PSTPIP2: variants seen among roughly 807,000 people sequenced by gnomAD.
PSTPIP2 encodes the protein proline-serine-threonine phosphatase-interacting protein 2.
In PSTPIP2, 33 loss-of-function variants were observed where a neutral mutation model predicts 63.3. The observed-to-expected ratio is 0.52, with a 90% CI of 0.40 to 0.70. The LOEUF (loss-of-function observed/expected upper bound fraction) is 0.70, where lower values mean the gene tolerates loss of function less well. Ranked by LOEUF, PSTPIP2 falls within the 30% of genes least tolerant of loss-of-function variation. The pLI is 0.00. For synonymous variants in PSTPIP2, 125 were observed against 132.7 expected (o/e 0.94, Z 0.40); for missense variants, 312 against 400.7 (o/e 0.78, Z 1.89).
intron 6 of PSTPIP2, among the ~76,000 whole-genome samples, chr18:46,004,601 C>T (rs1399124286): frequency 6.6e-6 from 1 of 152,114 alleles, no homozygotes; most frequent in Admixed American, 6.5e-5. Flanking sequence ...GGGTATTGTA[C>T]ACTATATATG....
rs80203956 is a variant in PSTPIP2, at chr18:46,071,075, G to A, written c.33+1081C>T. Among the ~76,000 whole-genome samples, 1,451 of 152,250 alleles carry A rather than the reference G, an allele frequency of 9.5e-3. 28 individuals are homozygous for A. Among genetic ancestry groups the A allele is most frequent in the African/African-American group, 0.034 (1,395 of 41,544 alleles). On this transcript the variant is annotated intron_variant, in intron 1 of 14. Coordinates refer to ENST00000409746, the MANE Select transcript of PSTPIP2 (RefSeq NM_024430.4). ...GCCACCACCCTGCACCCTAGGGTGA[G>A]TAGTGCCCCAGAAGGACCTCACAAA...
intron 3 of PSTPIP2, among the ~76,000 whole-genome samples, chr18:46,019,184 G>A (rs2051885045): frequency 6.6e-6 from 1 of 152,084 alleles, no homozygotes; most frequent in Admixed American, 6.5e-5. Flanking sequence ...AAGCAGGGTT[G>A]GGATTTTGTA....
chr18:46,039,937 A>T lies in PSTPIP2; in HGVS notation c.134+10T>A. On this transcript the variant is annotated intron_variant, in intron 2 of 14. Transcript: ENST00000409746. ...CCACCCTCTTCAGAGAGGACAGAGC[A>T]TCATCGTACCTTTCTTTTAGAAAGT... The T allele has an allele frequency of 6.3e-7, 1 of 1,599,780 alleles. No homozygotes were observed. The highest frequency in any genetic ancestry group is 8.6e-7 in the Non-Finnish European group (1 of 1,167,044).
intron 1 of PSTPIP2, among the ~76,000 whole-genome samples, chr18:46,048,818 G>A (rs535836421): frequency 6.6e-6 from 1 of 152,164 alleles, no homozygotes; most frequent in African/African-American, 2.4e-5. Flanking sequence ...CAACAACTGG[G>A]GAAATTTGAG....
At chr18:46,067,558 A>G (rs995118732) in intron 1 of PSTPIP2, among the ~76,000 whole-genome samples, 2 of 151,964 alleles carry the variant, frequency 1.3e-5, no homozygotes, top group Non-Finnish European at 2.9e-5. Flanking sequence ...AGCAAGCCAC[A>G]ACCTAACTTA....
At chr18:46,063,367 ACAAAACTTTAGAT>A (rs1375553455) in intron 1 of PSTPIP2, among the ~76,000 whole-genome samples, 1 of 152,188 alleles carries the variant, frequency 6.6e-6, no homozygotes, top group Admixed American at 6.5e-5. Flanking sequence ...AGAAGAAATC[ACAAAACTTTAGAT>A]CAATAAACTT....
rs1239570537 is a variant in PSTPIP2, at chr18:45,984,309, C to G, written c.*1150G>C. The G allele has an allele frequency of 6.6e-6, 1 of 152,112 alleles. No homozygotes were observed. Among genetic ancestry groups the G allele is most frequent in the Non-Finnish European group, 1.5e-5 (1 of 68,012 alleles). 9.4% of individuals were successfully genotyped at this position (152,112 alleles called of 1,614,324 possible). A position where few individuals can be genotyped will look rare whatever the true frequency, so the allele number is the denominator to read the frequency against. On this transcript the variant is annotated 3_prime_UTR_variant, in exon 15 of 15. Transcript: ENST00000409746. ...TTAACTTGTCAATAACTAAAAGGTA[C>G]CATTTTCTCATAGTGCACAGGTGTT...
At chr18:46,062,918 C>T (rs1909041240) in intron 1 of PSTPIP2, among the ~76,000 whole-genome samples, 1 of 152,152 alleles carries the variant, frequency 6.6e-6, no homozygotes, top group South Asian at 2.1e-4. Flanking sequence ...ACCCTGAGGG[C>T]AGGAATCCAC....
intron 2 of PSTPIP2, chr18:46,028,427 A>T (rs1907670453): frequency 1.8e-6 from 1 of 548,946 alleles, no homozygotes; most frequent in Non-Finnish European, 3.6e-6. Context: ...CGGCTCCGGC[A>T]GCGGAACCGC....
At chr18:45,986,657 G>T (rs999840730) in intron 14 of PSTPIP2, among the ~76,000 whole-genome samples, 5 of 152,130 alleles carry the variant, frequency 3.3e-5, no homozygotes, top group Admixed American at 6.5e-5. Flanking sequence ...AAGAAATGAT[G>T]ACTGATTGTA....
intron 3 of PSTPIP2, among the ~76,000 whole-genome samples, chr18:46,019,343 T>C (rs1393813767): frequency 1.3e-5 from 2 of 152,178 alleles, no homozygotes; most frequent in East Asian, 3.8e-4. Context: ...TCCCACTCTA[T>C]TTATCTCAAA....
At chr18:46,019,181 G>T (rs2051885011) in intron 3 of PSTPIP2, among the ~76,000 whole-genome samples, 1 of 152,098 alleles carries the variant, frequency 6.6e-6, no homozygotes, top group African/African-American at 2.4e-5. Flanking sequence ...CCCAAGCAGG[G>T]TTGGGATTTT....
intron 2 of PSTPIP2, among the ~76,000 whole-genome samples, chr18:46,030,877 G>A (rs1907767781): frequency 6.6e-6 from 1 of 152,186 alleles, no homozygotes. Flanking sequence ...GAAGCCTGGG[G>A]CCATCCCAAA....
At chr18:46,046,974 A>G (rs950435479) in intron 1 of PSTPIP2, among the ~76,000 whole-genome samples, 2 of 152,258 alleles carry the variant, frequency 1.3e-5, no homozygotes, top group Non-Finnish European at 2.9e-5. Context: ...ACAGTGAGAC[A>G]GAAGCTCTTT....
chr18:45,997,900 G>A lies in PSTPIP2; in HGVS notation c.563-72C>T, dbSNP rs544307113. On this transcript the variant is annotated intron_variant, in intron 8 of 14. Coordinates refer to ENST00000409746, the MANE Select transcript of PSTPIP2 (RefSeq NM_024430.4). ...GGCTCGCAGATACACCCACAGGCTG[G>A]TCTCAGATGGCAAAAGAAACTCATC... 2.6e-5 allele frequency: 35 copies of A among 1,328,726 alleles called. No homozygotes were observed. In the African/African-American group the frequency reaches 3.6e-4, roughly 14 times the overall value. 82.3% of individuals were successfully genotyped at this position (1,328,726 alleles called of 1,614,324 possible).
At chr18:45,999,729 C>A (rs560682012) in intron 6 of PSTPIP2, among the ~76,000 whole-genome samples, 195 bp from the exon 7 acceptor site, 1 of 152,266 alleles carries the variant, frequency 6.6e-6, no homozygotes, top group East Asian at 1.9e-4. Context: ...CTCTCTAGCC[C>A]TTTTTCAAAT....
chr18:46,052,057 C>T (rs535789967), intron 1 of PSTPIP2, among the ~76,000 whole-genome samples: 99 of 152,328 alleles, frequency 6.5e-4, no homozygotes, highest in African/African-American at 2.3e-3. Flanking sequence ...TGGCTATACC[C>T]AAAACTGGAA....
chr18:46,048,076 G>C (rs1908447347), intron 1 of PSTPIP2, among the ~76,000 whole-genome samples: 1 of 152,176 alleles, frequency 6.6e-6, no homozygotes, highest in African/African-American at 2.4e-5. Context: ...TAATGTCTTG[G>C]GATGGGAAAT....
intron 4 of PSTPIP2, among the ~76,000 whole-genome samples, chr18:46,013,599 T>C (rs571906042): frequency 6.6e-6 from 1 of 152,048 alleles, no homozygotes; most frequent in East Asian, 1.9e-4. Context: ...TAAAAATCTG[T>C]TGGCTGAATT....
Sources: allele counts gnomAD v4.1 joint callset (sites outside exome capture counted in the v4.1 genomes callset), GRCh38; gene constraint gnomAD v4.1.1; transcripts MANE v1.5; gene names NCBI Gene and HGNC (gene_info 2026-07-23, HGNC 2026-07-21).